The following AFF3 variants were observed in gnomAD, a reference collection of about 807,000 sequenced individuals.
AFF3 encodes the protein AF4/FMR2 family member 3.
In AFF3, 32 loss-of-function variants were observed where a neutral mutation model predicts 129.7. The observed-to-expected ratio is 0.25, with a 90% CI of 0.19 to 0.33. The LOEUF (loss-of-function observed/expected upper bound fraction) is 0.33, where lower values mean the gene tolerates loss of function less well. Ranked by LOEUF, AFF3 falls within the 10% of genes least tolerant of loss-of-function variation. AFF3 has a pLI of 1.00. For synonymous variants in AFF3, 644 were observed against 635.4 expected, an observed-to-expected ratio of 1.01 and a Z score of -0.20; for missense variants, 1,373 against 1,592.0, an observed-to-expected ratio of 0.86 and a Z score of 2.34.
intron 8 of AFF3, among the ~76,000 whole-genome samples, chr2:99,833,317 A>C (rs551089741): frequency 6.6e-6 from 1 of 152,298 alleles, no homozygotes; most frequent in Admixed American, 6.5e-5. Context: ...TTCCACTATA[A>C]TGTCAGGAAA....
At chr2:100,032,945 G>A (rs1473516674) in intron 4 of AFF3, among the ~76,000 whole-genome samples, 1 of 152,176 alleles carries the variant, frequency 6.6e-6, no homozygotes, top group African/African-American at 2.4e-5. Flanking sequence ...AAGTCTTGAT[G>A]TCAGTAGAGT....
At chr2:99,779,162 G>T (rs1317431653) in intron 8 of AFF3, among the ~76,000 whole-genome samples, 1 of 152,046 alleles carries the variant, frequency 6.6e-6, no homozygotes, top group Middle Eastern at 3.2e-3. Context: ...GTTAGCTGTG[G>T]GTTTTCCATG....
intron 3 of AFF3, chr2:100,104,798 A>C (rs868237291): frequency 2.1e-4 from 128 of 616,512 alleles, no homozygotes; most frequent in East Asian, 8.0e-4. Context: ...CCGCTGCTGC[A>C]GCCGCCGCCG....
At chr2:99,652,947 G>C (rs1359669541) in intron 12 of AFF3, among the ~76,000 whole-genome samples, 1 of 152,142 alleles carries the variant, frequency 6.6e-6, no homozygotes, top group Non-Finnish European at 1.5e-5. Flanking sequence ...AAGAGGACCG[G>C]AGCCTGAGGA....
chr2:99,785,441 TTAC>T (rs1415315918), intron 8 of AFF3, among the ~76,000 whole-genome samples: 2 of 152,158 alleles, frequency 1.3e-5, no homozygotes, highest in African/African-American at 4.8e-5. Flanking sequence ...CCTGTAAAGG[TTAC>T]AACTACCAGA....
chr2:99,624,861 CGG>C, intron 13 of AFF3, among the ~76,000 whole-genome samples: 2 of 152,202 alleles, frequency 1.3e-5, no homozygotes, highest in South Asian at 2.1e-4. Context: ...GAGACGAAGG[CGG>C]GAGGGCAGCA....
chr2:99,771,428 AC>A (rs1311970415), intron 8 of AFF3, among the ~76,000 whole-genome samples: 5 of 141,944 alleles, frequency 3.5e-5, no homozygotes, highest in Admixed American at 1.4e-4. Context: ...AAAAAAAAAA[AC>A]CAGAGCAATT....
rs556731374 is a variant in AFF3, at chr2:99,987,207, T to C, written c.873+19425A>G. ...ATATTGTTGCAAAGGCTGAAGTCAT[T>C]AGTGTTTAAACCATTAAACCTAAAA... is the stretch of plus-strand genomic sequence containing the variant. On this transcript the variant is annotated intron_variant, in intron 7 of 24. Transcript: ENST00000672756. 1.9e-3 allele frequency among the ~76,000 whole-genome samples: 287 copies of C among 152,356 alleles called. 1 individual carries two copies. Among genetic ancestry groups the C allele is most frequent in the African/African-American group, 6.6e-3 (274 of 41,576 alleles).
intron 7 of AFF3, among the ~76,000 whole-genome samples, chr2:100,003,431 C>T (rs1681619988): frequency 6.6e-6 from 1 of 152,126 alleles, no homozygotes; most frequent in African/African-American, 2.4e-5. Context: ...GGTCTCTCAC[C>T]CAACCATAGA....
intron 8 of AFF3, among the ~76,000 whole-genome samples, chr2:99,832,665 C>T (rs899561866): frequency 6.6e-5 from 10 of 152,174 alleles, no homozygotes; most frequent in African/African-American, 2.2e-4. Context: ...TGTCCCTAAC[C>T]GTTCAGATGG....
intron 7 of AFF3, among the ~76,000 whole-genome samples, chr2:99,915,182 A>T (rs1373262294): frequency 3.9e-5 from 6 of 152,300 alleles, no homozygotes; most frequent in Admixed American, 1.3e-4. Flanking sequence ...AAAAGATTTT[A>T]AAAAGGCTCT....
intron 7 of AFF3, among the ~76,000 whole-genome samples, chr2:99,856,646 T>A (rs1320821472): frequency 6.6e-6 from 1 of 152,168 alleles, no homozygotes; most frequent in East Asian, 1.9e-4. Flanking sequence ...ATTTCTTAGA[T>A]AAATTACGTT....
intron 4 of AFF3, among the ~76,000 whole-genome samples, chr2:100,072,506 C>T (rs1688270450): frequency 6.6e-6 from 1 of 152,146 alleles, no homozygotes; most frequent in South Asian, 2.1e-4. Flanking sequence ...TGGAGCTGGA[C>T]CCATGGAGAG....
At chr2:99,736,952 T>C (rs934059394) in intron 10 of AFF3, among the ~76,000 whole-genome samples, 1 of 152,176 alleles carries the variant, frequency 6.6e-6, no homozygotes, top group Non-Finnish European at 1.5e-5. Context: ...TTTTTCCATA[T>C]ACTCTGTTTC....
At chr2:99,957,789 A>C (rs1676808626) in intron 7 of AFF3, among the ~76,000 whole-genome samples, 1 of 152,160 alleles carries the variant, frequency 6.6e-6, no homozygotes, top group South Asian at 2.1e-4. Flanking sequence ...TGTTCTGCCT[A>C]TGGAACCCTC....
chr2:100,090,945 C>G (rs1446909058), intron 4 of AFF3, among the ~76,000 whole-genome samples: 1 of 152,176 alleles, frequency 6.6e-6, no homozygotes, highest in Non-Finnish European at 1.5e-5. Context: ...CCACCTCGGC[C>G]TCCCAAAGTG....
At chr2:99,731,255 G>A (rs1225536325) in intron 10 of AFF3, among the ~76,000 whole-genome samples, 1 of 152,166 alleles carries the variant, frequency 6.6e-6, no homozygotes, top group Non-Finnish European at 1.5e-5. Context: ...ACCGTGCCCA[G>A]CCAATGCGTT....
At chr2:99,894,213 G>GA (rs1295431230) in intron 7 of AFF3, among the ~76,000 whole-genome samples, 2,345 of 132,478 alleles carry the variant, frequency 0.018, 61 homozygotes, top group African/African-American at 0.058. Context: ...GCCTTTTTTT[G>GA]AAAAAAAAAA....
chr2:99,606,232 C>A (rs1273102106), intron 13 of AFF3, among the ~76,000 whole-genome samples: 1 of 151,932 alleles, frequency 6.6e-6, no homozygotes, highest in Non-Finnish European at 1.5e-5. Flanking sequence ...GCCACTGCAC[C>A]CCAGTCTGGG....
Sources: gnomAD v4.1 joint callset for allele counts (sites outside exome capture counted in the v4.1 genomes callset) on GRCh38, gnomAD v4.1.1 for gene constraint, MANE v1.5 for transcripts, NCBI Gene and HGNC (gene_info 2026-07-23, HGNC 2026-07-21) for gene names.